Variants in HIVEP1 observed in about 807,000 individuals in gnomAD.
HIVEP1 encodes zinc finger protein 40.
Under a neutral mutation model 180.0 loss-of-function variants are expected in HIVEP1, and 36 were observed. That is an observed-to-expected ratio of 0.20 (90% confidence interval 0.15 to 0.26). The LOEUF (loss-of-function observed/expected upper bound fraction) is 0.26, where lower values mean the gene tolerates loss of function less well. HIVEP1 is among the 10% of genes least tolerant of loss of function. HIVEP1 has a pLI of 1.00. For missense variants in HIVEP1, 3,143 were observed against 3,268.7 expected, an observed-to-expected ratio of 0.96 and a Z score of 0.94; for synonymous variants, 1,239 against 1,239.0, an observed-to-expected ratio of 1.00 and a Z score of 0.00.
chr6:12,126,326 T>C (rs1258820400), intron 4 of HIVEP1, among the ~76,000 whole-genome samples: 2 of 152,230 alleles, frequency 1.3e-5, no homozygotes, highest in African/African-American at 4.8e-5. Flanking sequence ...CCATTTAGAC[T>C]TGTCTTGAGC....
intron 2 of HIVEP1, among the ~76,000 whole-genome samples, chr6:12,060,080 C>T (rs992577367): frequency 6.6e-6 from 1 of 152,100 alleles, no homozygotes; most frequent in Non-Finnish European, 1.5e-5. Context: ...ATATTGTTCA[C>T]CAGTAGTATC....
chr6:12,115,730 G>T (rs2113481905), intron 3 of HIVEP1, among the ~76,000 whole-genome samples: 1 of 152,050 alleles, frequency 6.6e-6, no homozygotes, highest in African/African-American at 2.4e-5. Flanking sequence ...TTTCAATGCT[G>T]GTGTACACCA....
intron 2 of HIVEP1, among the ~76,000 whole-genome samples, chr6:12,034,296 T>G (rs1283190370): frequency 1.3e-5 from 2 of 152,238 alleles, no homozygotes; most frequent in Non-Finnish European, 2.9e-5. Flanking sequence ...AAATGATTAC[T>G]GTTTCTTAGG....
chr6:12,117,617 A>G (rs987755913), intron 3 of HIVEP1, among the ~76,000 whole-genome samples: 1 of 152,228 alleles, frequency 6.6e-6, no homozygotes, highest in Non-Finnish European at 1.5e-5. Flanking sequence ...ATTTTGAATA[A>G]CATAACTTTA....
the HIVEP1 span, among the ~76,000 whole-genome samples, chr6:12,183,312 A>G: frequency 6.6e-6 from 1 of 152,266 alleles, no homozygotes; most frequent in South Asian, 2.1e-4. Context: ...TACATGAAAC[A>G]CCCAGAAGGA....
downstream of HIVEP1, among the ~76,000 whole-genome samples, chr6:12,167,589 T>C: frequency 8.7e-6 from 1 of 114,312 alleles, no homozygotes; most frequent in African/African-American, 3.5e-5. Context: ...TACGTTATAT[T>C]ACATGTATAT....
the HIVEP1 span, among the ~76,000 whole-genome samples, chr6:12,188,188 A>G: frequency 6.6e-6 from 1 of 152,240 alleles, no homozygotes; most frequent in East Asian, 1.9e-4. Context: ...TCTTTAAAAA[A>G]TGACAAGCCA....
At chr6:12,067,573 G>A (rs544113420) in intron 2 of HIVEP1, among the ~76,000 whole-genome samples, 5 of 152,218 alleles carry the variant, frequency 3.3e-5, no homozygotes, top group Admixed American at 3.3e-4. Flanking sequence ...AGGCGCCAAT[G>A]GCGTAGAATG....
the HIVEP1 span, among the ~76,000 whole-genome samples, chr6:12,174,478 C>T: frequency 6.6e-6 from 1 of 152,016 alleles, no homozygotes; most frequent in Non-Finnish European, 1.5e-5. Context: ...CCCTAGTACC[C>T]CCAGGTCAGT....
intron 2 of HIVEP1, among the ~76,000 whole-genome samples, chr6:12,048,721 A>G (rs986901137): frequency 6.6e-6 from 1 of 152,214 alleles, no homozygotes; most frequent in Non-Finnish European, 1.5e-5. Context: ...ACTCACATCA[A>G]AATTATTCAA....
At chr6:12,141,802 G>A (rs1230589614) in intron 7 of HIVEP1, among the ~76,000 whole-genome samples, 1 of 149,772 alleles carries the variant, frequency 6.7e-6, no homozygotes, top group African/African-American at 2.5e-5. Context: ...ATTACATAAT[G>A]GCAAAGGGAT....
At chr6:12,126,134 TAA>T (rs1758056451) in intron 4 of HIVEP1, among the ~76,000 whole-genome samples, 1 of 152,234 alleles carries the variant, frequency 6.6e-6, no homozygotes, top group Non-Finnish European at 1.5e-5. Flanking sequence ...GCTAACTATA[TAA>T]GTCTTTACTT....
intron 2 of HIVEP1, among the ~76,000 whole-genome samples, chr6:12,032,372 G>A (rs1363391350): frequency 6.6e-6 from 1 of 151,960 alleles, no homozygotes. Context: ...TCGATTTCCT[G>A]ACCTTGTGAT....
the HIVEP1 span, among the ~76,000 whole-genome samples, chr6:12,178,110 T>C: frequency 2.4e-4 from 36 of 152,328 alleles, no homozygotes; most frequent in African/African-American, 8.2e-4. Context: ...TGAAGGCTCG[T>C]AAAGTCAAGT....
intron 3 of HIVEP1, among the ~76,000 whole-genome samples, chr6:12,100,355 G>A (rs889397304): frequency 7.9e-5 from 12 of 152,312 alleles, no homozygotes; most frequent in Non-Finnish European, 1.5e-4. Flanking sequence ...CCCCACCATG[G>A]ATGATTTCAA....
At chr6:12,153,050 T>G (rs143484566) in intron 7 of HIVEP1, among the ~76,000 whole-genome samples, 1,758 of 152,326 alleles carry the variant, frequency 0.012, 31 homozygotes, top group African/African-American at 0.04. Flanking sequence ...ATATTTATAA[T>G]ATAACTGATT....
At chr6:12,134,440 T>C (rs1000276140) in intron 6 of HIVEP1, among the ~76,000 whole-genome samples, 3 of 152,206 alleles carry the variant, frequency 2.0e-5, no homozygotes, top group African/African-American at 7.2e-5. Flanking sequence ...AATCAGCTTG[T>C]ACAGGGATGA....
At chr6:12,104,783 C>A (rs1223774947) in intron 3 of HIVEP1, among the ~76,000 whole-genome samples, 8 of 152,002 alleles carry the variant, frequency 5.3e-5, no homozygotes, top group Non-Finnish European at 1.0e-4. Context: ...TATCTTAGTT[C>A]TATTATGGTA....
intron 2 of HIVEP1, among the ~76,000 whole-genome samples, chr6:12,048,563 G>A (rs1276237962): frequency 6.6e-6 from 1 of 152,090 alleles, no homozygotes; most frequent in Non-Finnish European, 1.5e-5. Flanking sequence ...TTAAAAACAT[G>A]CACAATCTGT....
Sources: allele counts gnomAD v4.1 joint callset (sites outside exome capture counted in the v4.1 genomes callset), GRCh38; gene constraint gnomAD v4.1.1; transcripts MANE v1.5; gene names NCBI Gene and HGNC (gene_info 2026-07-23, HGNC 2026-07-21).